Variants in TTC3 observed in about 807,000 individuals in gnomAD.
TTC3 encodes tetratricopeptide repeat domain 3.
TTC3 carries 180 observed loss-of-function variants against 249.6 expected under a neutral mutation model. The ratio of observed to expected loss-of-function variants is 0.72; its 90% CI spans 0.64 to 0.82. The LOEUF is 0.82. TTC3 is among the 40% of genes least tolerant of loss of function. The pLI, the probability that TTC3 is intolerant of heterozygous loss-of-function variation, is 0.00. For missense variants in TTC3, 2,061 were observed against 2,398.4 expected (o/e 0.86, Z 2.94); for synonymous variants, 717 against 805.0 (o/e 0.89, Z 1.85).
chr21:37,088,973 T>G, intron 5 of TTC3, 87 bp downstream of exon 5: 2 of 1,193,404 alleles, frequency 1.7e-6, no homozygotes, highest in Non-Finnish European at 2.4e-6. Context: ...GACTAATTTA[T>G]AGCAATTAAC....
rs139539630 is a variant in TTC3 at position 37,192,212 on chromosome 21, C to A, written c.5216C>A (p.Thr1739Lys). The change falls in exon 41 of 46, where the codon ACG (threonine) becomes AAG (lysine). Residue 1739 changes from threonine (T) to lysine (K), a missense_variant and splice_region_variant. Transcript: ENST00000355666. ...GAGCTTTCATTTCCTGCCTGTAACA[C>A]GGTAAGTCTAGCACATCTTTTTTTT... 8 of 1,585,146 alleles carry A rather than the reference C, an allele frequency of 5.0e-6. No individual in the cohort carries two copies. Among genetic ancestry groups the A allele is most frequent in the Non-Finnish European group, 6.9e-6 (8 of 1,164,092 alleles).
exon 33 of TTC3, chr21:37,165,691 C>T: frequency 1.2e-6 from 2 of 1,613,758 alleles, no homozygotes. Flanking sequence ...TCTTGGGATG[C>T]CCTCGTTTTG....
intron 20 of TTC3, among the ~76,000 whole-genome samples, chr21:37,144,286 A>G (rs2078787369): frequency 6.6e-6 from 1 of 152,056 alleles, no homozygotes; most frequent in Admixed American, 6.6e-5. Flanking sequence ...AAAAAAGTGT[A>G]CACCTGCCAC....
At chr21:37,079,740 G>A in intron 1 of TTC3, among the ~76,000 whole-genome samples, 1 of 151,690 alleles carries the variant, frequency 6.6e-6, no homozygotes. Context: ...CACCATGTTG[G>A]CCAGGCTCTT....
chr21:37,161,237 A>C (rs2080716891), intron 30 of TTC3, among the ~76,000 whole-genome samples: 1 of 152,048 alleles, frequency 6.6e-6, no homozygotes, highest in Non-Finnish European at 1.5e-5. Context: ...CCTTCCTCTC[A>C]CCAAAGGCTC....
intron 12 of TTC3, among the ~76,000 whole-genome samples, chr21:37,122,186 G>A (rs2076636462): frequency 6.6e-6 from 1 of 151,228 alleles, no homozygotes; most frequent in Non-Finnish European, 1.5e-5. Context: ...TAAATGATTT[G>A]TACTTTTTAT....
chr21:37,187,022 G>T, intron 37 of TTC3, 27 bp from the exon 38 acceptor site: 1 of 1,358,700 alleles, frequency 7.4e-7, no homozygotes, highest in South Asian at 1.5e-5. Context: ...GTTCAAGAAA[G>T]TTTTTTTTTT....
intron 38 of TTC3, 50 bp from the exon 39 acceptor site, chr21:37,188,445 T>C (rs765989242): frequency 6.9e-7 from 1 of 1,439,120 alleles, no homozygotes; most frequent in South Asian, 1.2e-5. Context: ...TTAAAATAGT[T>C]TCAGGCTGTC....
intron 34 of TTC3, among the ~76,000 whole-genome samples, chr21:37,169,147 A>G (rs1569131144): frequency 1.3e-5 from 2 of 152,218 alleles, no homozygotes; most frequent in Non-Finnish European, 2.9e-5. Context: ...AGAGGTCTAT[A>G]CAAGGCTGTG....
intron 11 of TTC3, among the ~76,000 whole-genome samples, chr21:37,113,553 A>G (rs1182205833): frequency 6.6e-6 from 1 of 152,240 alleles, no homozygotes; most frequent in Non-Finnish European, 1.5e-5. Context: ...AACAAATGGA[A>G]GAACATTCCA....
chr21:37,108,638 A>T (rs2507734), intron 11 of TTC3, among the ~76,000 whole-genome samples, 192 bp downstream of exon 11: 1 of 152,140 alleles, frequency 6.6e-6, no homozygotes, highest in South Asian at 2.1e-4. Flanking sequence ...GTGCGTGAGG[A>T]CAGGTGGCCT....
rs531056957 is a variant in TTC3 at position 37,088,040 on chromosome 21, C to T, written c.188-156C>T. On this transcript the variant is annotated intron_variant, in intron 3 of 45. Transcript: ENST00000355666. ...TTTCTTTGTTAAAATAGAGTTTTTG[C>T]CAGCACTTAAATATTCTTAACATTT... 4.8e-5 allele frequency: 45 copies of T among 931,894 alleles called. No homozygotes were observed. The East Asian group carries it at 8.3e-4, about 17-fold the overall frequency. 57.7% of individuals were successfully genotyped at this position (931,894 alleles called of 1,614,324 possible). A position where few individuals can be genotyped will look rare whatever the true frequency, so the allele number is the denominator to read the frequency against.
intron 1 of TTC3, among the ~76,000 whole-genome samples, chr21:37,081,220 C>T (rs999466966): frequency 3.5e-5 from 5 of 143,336 alleles, no homozygotes; most frequent in Non-Finnish European, 6.0e-5. Flanking sequence ...TGGATTCAAG[C>T]GATTCTCCTG....
At chr21:37,098,104 A>G (rs958812889) in intron 10 of TTC3, 7 of 558,032 alleles carry the variant, frequency 1.3e-5, no homozygotes, top group East Asian at 3.0e-5. Flanking sequence ...ACAGTCTTCC[A>G]TCAATACCAC....
intron 11 of TTC3, among the ~76,000 whole-genome samples, chr21:37,119,249 T>C (rs745960855): frequency 6.6e-6 from 1 of 152,112 alleles, no homozygotes; most frequent in Non-Finnish European, 1.5e-5. Context: ...TGGCATTTAA[T>C]CTAGGGCTAA....
chr21:37,200,349 T>TA lies in TTC3; in HGVS notation c.5943+26dup, dbSNP rs528978018. The TA allele has an allele frequency of 8.7e-5, 140 of 1,605,676 alleles. No homozygotes were observed. The East Asian group carries it at 2.9e-3, about 34-fold the overall frequency. ...GGTAAGAGCTCTTTTTGGCCATCCT[T>TA]ACAGCATGCATTGGGACCTTCAAAT... is the stretch of plus-strand genomic sequence containing the variant. On this transcript the variant is annotated intron_variant, in intron 45 of 45. Transcript: ENST00000355666.
chr21:37,088,439 T>G (rs2072805551), intron 4 of TTC3, 93 bp downstream of exon 4: 2 of 1,435,454 alleles, frequency 1.4e-6, no homozygotes, highest in African/African-American at 1.4e-5. Context: ...GCTTATGTCT[T>G]ATTCTTGTAT....
intron 25 of TTC3, among the ~76,000 whole-genome samples, chr21:37,151,100 C>T (rs922743015): frequency 1.3e-5 from 2 of 151,986 alleles, no homozygotes; most frequent in Non-Finnish European, 2.9e-5. Context: ...AATTATTTAT[C>T]TAGTGGTTGA....
At chr21:37,154,646 G>A (rs1247375842) in intron 27 of TTC3, among the ~76,000 whole-genome samples, 3 of 152,158 alleles carry the variant, frequency 2.0e-5, no homozygotes, top group Non-Finnish European at 4.4e-5. Context: ...CAGCTCACTG[G>A]CAGGAAAGGG....
Sources: gnomAD v4.1 joint callset for allele counts (sites outside exome capture counted in the v4.1 genomes callset) on GRCh38, gnomAD v4.1.1 for gene constraint, MANE v1.5 for transcripts, NCBI Gene and HGNC (gene_info 2026-07-23, HGNC 2026-07-21) for gene names.